The following BCL2L13 variants were observed in gnomAD, a reference collection of about 807,000 sequenced individuals.
The protein encoded by BCL2L13 is BCL2 like 13.
A neutral mutation model predicts 25.8 loss-of-function variants in BCL2L13; 13 were observed. The ratio of observed to expected loss-of-function variants is 0.50; its 90% CI spans 0.33 to 0.80. The LOEUF (loss-of-function observed/expected upper bound fraction) is 0.80, where lower values mean the gene tolerates loss of function less well. Ranked by LOEUF, BCL2L13 falls within the 30% of genes least tolerant of loss-of-function variation. The pLI is 0.02. For synonymous variants in BCL2L13, 244 were observed against 230.3 expected (o/e 1.06, Z -0.54); for missense variants, 504 against 574.9 (o/e 0.88, Z 1.26).
intron 2 of BCL2L13, among the ~76,000 whole-genome samples, chr22:17,669,108 C>T (rs1189229918): frequency 1.3e-5 from 2 of 148,282 alleles, no homozygotes; most frequent in Non-Finnish European, 3.0e-5. Flanking sequence ...TCTCAGCTCA[C>T]TGCAAGCTCC....
chr22:17,697,970 C>G (rs953681228), intron 5 of BCL2L13, among the ~76,000 whole-genome samples: 1 of 152,084 alleles, frequency 6.6e-6, no homozygotes. Context: ...CACCTGCCAC[C>G]TTGCCCAGCT....
At chr22:17,684,793 C>T (rs569224439) in intron 3 of BCL2L13, 20 of 346,092 alleles carry the variant, frequency 5.8e-5, no homozygotes, top group Middle Eastern at 2.1e-3. Flanking sequence ...AGTGCGGTGG[C>T]GGGATCTTGG....
At chr22:17,662,008 T>C (rs975240927) in intron 2 of BCL2L13, among the ~76,000 whole-genome samples, 14 of 151,204 alleles carry the variant, frequency 9.3e-5, no homozygotes, top group African/African-American at 3.4e-4. Flanking sequence ...AAAAAAAAAT[T>C]GCATAATTAT....
At chr22:17,659,381 G>T (rs1326577242) in intron 2 of BCL2L13, among the ~76,000 whole-genome samples, 1 of 143,690 alleles carries the variant, frequency 7.0e-6, no homozygotes, top group Non-Finnish European at 1.6e-5. Context: ...AAACAAACTG[G>T]CTGGGTTGGG....
intron 2 of BCL2L13, among the ~76,000 whole-genome samples, chr22:17,671,667 C>T (rs1207830947): frequency 6.6e-6 from 1 of 151,946 alleles, no homozygotes; most frequent in Non-Finnish European, 1.5e-5. Flanking sequence ...TGAGCTCAGG[C>T]GATCTTTATG....
intron 1 of BCL2L13, among the ~76,000 whole-genome samples, chr22:17,650,016 G>A (rs77259934): frequency 0.053 from 8,051 of 150,826 alleles, 350 homozygotes; most frequent in African/African-American, 0.12. Context: ...GATTACAGGC[G>A]CCTGCCATCA....
At chr22:17,628,922 A>G in exon 1 of BCL2L13, 2 of 506,062 alleles carry the variant, frequency 4.0e-6, no homozygotes, top group Admixed American at 3.2e-5. Flanking sequence ...TTTTTCCTAA[A>G]CTGGGATCTT....
intron 6 of BCL2L13, among the ~76,000 whole-genome samples, chr22:17,715,120 TTTTATATATATATATATATATATA>T (rs1314878810): frequency 5.1e-4 from 43 of 83,606 alleles, no homozygotes; most frequent in Non-Finnish European, 6.0e-4. Context: ...TCAGTGTTAA[TTTTATATATATATATATATATATA>T]TATATATATA....
chr22:17,631,670 G>GTGTATATA (rs1203626385), intron 1 of BCL2L13, among the ~76,000 whole-genome samples: 270 of 26,392 alleles, frequency 0.01, 2 homozygotes, highest in Non-Finnish European at 0.015. Context: ...GTGTGTGTGT[G>GTGTATATA]TATATATATA....
At chr22:17,726,643 T>C (rs1324443897) in intron 6 of BCL2L13, 34 bp from the exon 7 acceptor site, 1 of 1,580,622 alleles carries the variant, frequency 6.3e-7, no homozygotes, top group Non-Finnish European at 8.6e-7. Context: ...ATAGTTACCA[T>C]TCTTTATTAT....
At chr22:17,713,895 G>GT (rs1275281839) in intron 6 of BCL2L13, among the ~76,000 whole-genome samples, 1 of 151,930 alleles carries the variant, frequency 6.6e-6, no homozygotes, top group East Asian at 1.9e-4. Flanking sequence ...AATCCCAACA[G>GT]TTTGGGAGGC....
At chr22:17,689,328 G>A (rs530642766) in intron 4 of BCL2L13, among the ~76,000 whole-genome samples, 186 bp downstream of exon 4, 2 of 152,238 alleles carry the variant, frequency 1.3e-5, no homozygotes, top group East Asian at 1.9e-4. Flanking sequence ...TGCTTTAAAG[G>A]AGTGATTTAG....
At chr22:17,648,808 A>G (rs2058580120) in intron 1 of BCL2L13, among the ~76,000 whole-genome samples, 1 of 152,206 alleles carries the variant, frequency 6.6e-6, no homozygotes, top group Non-Finnish European at 1.5e-5. Context: ...CATTAGGCTA[A>G]AAATCAAATT....
intron 6 of BCL2L13, among the ~76,000 whole-genome samples, chr22:17,709,488 G>T (rs994200172): frequency 2.0e-5 from 3 of 151,964 alleles, no homozygotes; most frequent in African/African-American, 7.3e-5. Flanking sequence ...CCAGCAACTC[G>T]GGAGGCTGAG....
At chr22:17,718,104 A>G (rs2060998692) in intron 6 of BCL2L13, among the ~76,000 whole-genome samples, 1 of 151,972 alleles carries the variant, frequency 6.6e-6, no homozygotes, top group Non-Finnish European at 1.5e-5. Context: ...AGAGAAGAGA[A>G]AAGAAAAGAA....
At chr22:17,658,096 G>A (rs2587085) in intron 2 of BCL2L13, among the ~76,000 whole-genome samples, 3 of 151,256 alleles carry the variant, frequency 2.0e-5, no homozygotes, top group Admixed American at 1.3e-4. Context: ...CTGGGATTAC[G>A]GGCATGAGCC....
intron 6 of BCL2L13, among the ~76,000 whole-genome samples, chr22:17,704,245 C>T (rs2060524781): frequency 6.6e-6 from 1 of 152,060 alleles, no homozygotes; most frequent in Non-Finnish European, 1.5e-5. Flanking sequence ...GCCACCATGA[C>T]CAGCTACTTT....
Position 17,727,253 on chromosome 22 carries a change from A to G in BCL2L13, c.1177A>G (p.Thr393Ala), listed in dbSNP as rs1399537655. The change falls in exon 7 of 7, where the codon ACT (threonine) becomes GCT (alanine). Residue 393 changes from threonine (T) to alanine (A), a missense_variant. Transcript: ENST00000317582. ...GGTGAAAGCAGCAACAACTGAACCT[A>G]CTGAAGTGGAGGAGGTGGTCCCCGC... ...EEVKAATTEP[T>A]EVEEVVPALE... 5 of 1,614,274 alleles carry G rather than the reference A, an allele frequency of 3.1e-6. No individual in the cohort carries two copies. The East Asian group carries it at 8.9e-5, about 29-fold the overall frequency.
chr22:17,635,715 CTTT>C (rs1299003270), upstream of BCL2L13, among the ~76,000 whole-genome samples: 1 of 144,438 alleles, frequency 6.9e-6, no homozygotes, highest in African/African-American at 2.5e-5. Flanking sequence ...CAAAAACAAT[CTTT>C]TTTTTTTTTT....
Sources: gnomAD v4.1 joint callset for allele counts (sites outside exome capture counted in the v4.1 genomes callset) on GRCh38, gnomAD v4.1.1 for gene constraint, MANE v1.5 for transcripts, NCBI Gene and HGNC (gene_info 2026-07-23, HGNC 2026-07-21) for gene names.